The following HIP1 variants were observed in gnomAD, a reference collection of about 807,000 sequenced individuals.
The protein encoded by HIP1 is huntingtin interacting protein 1.
Under a neutral mutation model 147.6 loss-of-function variants are expected in HIP1, and 65 were observed. The ratio of observed to expected loss-of-function variants is 0.44; its 90% CI spans 0.36 to 0.54. HIP1 has a LOEUF of 0.54. Among genes scored for constraint, HIP1 ranks in the 20% least tolerant of loss-of-function variants. The pLI is 0.00. For synonymous variants in HIP1, 479 were observed against 504.0 expected (o/e 0.95, Z 0.67); for missense variants, 1,061 against 1,299.6 (o/e 0.82, Z 2.82).
At chr7:75,730,109 G>A (rs1801789195) in intron 1 of HIP1, among the ~76,000 whole-genome samples, 1 of 152,138 alleles carries the variant, frequency 6.6e-6, no homozygotes, top group Non-Finnish European at 1.5e-5. Context: ...GGGAAGTCAG[G>A]AGGGAGATGT....
At chr7:75,693,817 A>C (rs1197468841) in intron 1 of HIP1, among the ~76,000 whole-genome samples, 1 of 152,036 alleles carries the variant, frequency 6.6e-6, no homozygotes, top group Non-Finnish European at 1.5e-5. Context: ...GAGAGAAAGA[A>C]AGAAAATAAA....
chr7:75,646,934 C>T (rs1043922401), intron 1 of HIP1, among the ~76,000 whole-genome samples: 5 of 152,090 alleles, frequency 3.3e-5, no homozygotes, highest in Non-Finnish European at 7.3e-5. Context: ...GGCGGCAGAT[C>T]CCACAGGGCC....
chr7:75,721,054 A>G (rs1584978751), intron 1 of HIP1, among the ~76,000 whole-genome samples: 1 of 147,976 alleles, frequency 6.8e-6, no homozygotes. Flanking sequence ...AAAAAAAAAA[A>G]GACCTCATCT....
chr7:75,715,458 C>G (rs2868136), intron 1 of HIP1, among the ~76,000 whole-genome samples: 35,305 of 106,186 alleles, frequency 0.33, 4,218 homozygotes, highest in South Asian at 0.38. Flanking sequence ...GAGACACACA[C>G]AGAGAGAGAG....
chr7:75,616,426 C>A lies in HIP1; in HGVS notation c.121-17179G>T, dbSNP rs1009374750. 7.2e-5 allele frequency among the ~76,000 whole-genome samples: 11 copies of A among 152,174 alleles called. No homozygotes were observed. The East Asian group carries it at 1.6e-3, about 21-fold the overall frequency. On this transcript the variant is annotated intron_variant, in intron 1 of 30. Coordinates refer to ENST00000336926, the MANE Select transcript of HIP1 (RefSeq NM_005338.7). The stretch of plus-strand genomic sequence containing the variant: ...GTGGGCCTACAGGTGCGCACCACCA[C>A]GCCAGGCTAATTAAAAAATTTTTTT...
chr7:75,660,544 C>G (rs1554513455), intron 1 of HIP1, among the ~76,000 whole-genome samples: 2 of 151,796 alleles, frequency 1.3e-5, no homozygotes, highest in African/African-American at 4.8e-5. Flanking sequence ...AAAACACACA[C>G]AAAAAAGGCA....
At chr7:75,563,463 G>A in intron 9 of HIP1, 200 bp from the exon 10 acceptor site, 1 of 580,700 alleles carries the variant, frequency 1.7e-6, no homozygotes, top group Non-Finnish European at 3.1e-6. Context: ...CTGCTGGTGA[G>A]GAAAGAGTAA....
At chr7:75,565,458 T>A (rs1795367723) in intron 9 of HIP1, among the ~76,000 whole-genome samples, 1 of 152,184 alleles carries the variant, frequency 6.6e-6, no homozygotes, top group African/African-American at 2.4e-5. Context: ...AAGCCATTTA[T>A]CACAGAATAT....
chr7:75,552,189 C>T (rs1554492276), intron 22 of HIP1, among the ~76,000 whole-genome samples: 1 of 152,114 alleles, frequency 6.6e-6, no homozygotes, highest in Non-Finnish European at 1.5e-5. Flanking sequence ...CCGTGCCTGG[C>T]CCTATCCTTG....
Position 75,539,307 on chromosome 7 carries a change from C to G in HIP1, c.3061+16G>C. The G allele has an allele frequency of 6.3e-7, 1 of 1,597,172 alleles. No homozygotes were observed. The highest frequency in any genetic ancestry group is 8.6e-7 in the Non-Finnish European group (1 of 1,164,530). Reference sequence around the variant, plus strand: ...TCCCTGCTGCGGGTTAGTGCCCATCCTTGGAGTCAGCTTACCTTCTTCCCA... The same window carrying G: ...TCCCTGCTGCGGGTTAGTGCCCATCGTTGGAGTCAGCTTACCTTCTTCCCA... On this transcript the variant is annotated intron_variant, in intron 30 of 30. Coordinates refer to ENST00000336926, the MANE Select transcript of HIP1 (RefSeq NM_005338.7).
intron 1 of HIP1, chr7:75,733,839 C>A: frequency 6.5e-6 from 1 of 153,420 alleles, no homozygotes. Context: ...ATAGGCCGGG[C>A]ACGGCGGCTC....
At position 75,661,071 on chromosome 7, in the gene HIP1, G is replaced by A. The variant is rs1220046668; in HGVS notation, c.121-61824C>T. 2.6e-5 allele frequency among the ~76,000 whole-genome samples: 4 copies of A among 152,020 alleles called. No individual in the cohort carries two copies. In the East Asian group the frequency reaches 5.8e-4, roughly 22 times the overall value. The stretch of plus-strand genomic sequence containing the variant: ...AGGCGGGAGGATCACTTGAGCCCAG[G>A]AGTTCAAGACTAGCCCGGGCAACAT... On this transcript the variant is annotated intron_variant, in intron 1 of 30. Transcript: ENST00000336926.
At chr7:75,704,275 C>T (rs556252066) in intron 1 of HIP1, among the ~76,000 whole-genome samples, 8 of 152,178 alleles carry the variant, frequency 5.3e-5, no homozygotes, top group African/African-American at 1.2e-4. Context: ...GACAGAGTTT[C>T]GCTCTTGTTG....
Position 75,573,850 on chromosome 7 carries a change from T to C in HIP1, c.656A>G (p.Gln219Arg). The stretch of plus-strand genomic sequence containing the variant: ...CTGGATCAGCGGGGCGAGGCGGCAC[T>C]GCCCTGCTGCCGTCACGGACACAGA... The part of the protein sequence containing the change: ...SRSVSVTAAG[Q>R]CRLAPLIQVI... The change falls in exon 8 of 31, where the codon CAG becomes CGG. Residue 219 changes from glutamine (Q) to arginine (R), a missense_variant. Physicochemically the swap from Gln to Arg is conservative, Grantham distance 43. This residue lies in a region of HIP1 where 225 missense variants were observed against 292.9 expected (regional missense o/e 0.77). Transcript: ENST00000336926. 6.2e-7 allele frequency: 1 copy of C among 1,613,874 alleles called. No homozygotes were observed. The highest frequency in any genetic ancestry group is 8.5e-7 in the Non-Finnish European group (1 of 1,179,776).
chr7:75,639,243 A>G (rs1299183638), intron 1 of HIP1: 1 of 874,486 alleles, frequency 1.1e-6, no homozygotes, highest in Admixed American at 8.2e-5. Flanking sequence ...CGGAGAAAGG[A>G]AGGGGAGGGG....
chr7:75,591,963 A>C, intron 4 of HIP1, 93 bp downstream of exon 4: 1 of 990,028 alleles, frequency 1.0e-6, no homozygotes, highest in East Asian at 2.4e-5. Flanking sequence ...AAGCTGAAGG[A>C]GATGAATTTA....
Position 75,607,234 on chromosome 7 carries a change from T to G in HIP1, c.121-7987A>C, listed in dbSNP as rs587734298. On this transcript the variant is annotated intron_variant, in intron 1 of 30. Coordinates refer to ENST00000336926, the MANE Select transcript of HIP1 (RefSeq NM_005338.7). ...AAAAAAAGAGTTGTTTTTTGTTTTG[T>G]TTTTTTTTTTTTTGAGACAGAGTCT... is the stretch of plus-strand genomic sequence containing the variant. Among the ~76,000 whole-genome samples, 201 of 137,462 alleles carry G rather than the reference T, an allele frequency of 1.5e-3. 3 individuals are homozygous for G. The highest frequency in any genetic ancestry group is 2.3e-3 in the Non-Finnish European group (144 of 62,742). The allele number at this position is 137,462 out of a possible 152,430, so 90.2% of individuals were successfully genotyped here. A position where few individuals can be genotyped will look rare whatever the true frequency, so the allele number is the denominator to read the frequency against.
At chr7:75,623,009 C>T (rs1304706317) in intron 1 of HIP1, among the ~76,000 whole-genome samples, 1 of 151,472 alleles carries the variant, frequency 6.6e-6, no homozygotes, top group African/African-American at 2.4e-5. Context: ...ACCAGCCTGA[C>T]CAACATGGTG....
At chr7:75,716,318 C>G (rs1554520580) in intron 1 of HIP1, among the ~76,000 whole-genome samples, 2 of 151,780 alleles carry the variant, frequency 1.3e-5, no homozygotes, top group Non-Finnish European at 2.9e-5. Context: ...ACCTCCACCT[C>G]CTGGATTCAA....
Sources: gnomAD v4.1 joint callset for allele counts (sites outside exome capture counted in the v4.1 genomes callset) on GRCh38, gnomAD v4.1.1 for gene constraint, gnomAD v4.1.1 regional missense constraint, MANE v1.5 for transcripts, NCBI Gene and HGNC (gene_info 2026-07-23, HGNC 2026-07-21) for gene names.